The following CAPN5 variants were observed in gnomAD, a reference collection of about 807,000 sequenced individuals.
CAPN5 encodes calpain-5.
A neutral mutation model predicts 73.0 loss-of-function variants in CAPN5; 54 were observed. The ratio of observed to expected loss-of-function variants is 0.74; its 90% CI spans 0.59 to 0.93. CAPN5 has a LOEUF of 0.93. CAPN5 is among the 40% of genes least tolerant of loss of function. The probability of loss-of-function intolerance (pLI) is 0.00; values close to 1 mark genes in which losing one functional copy is unlikely to be tolerated. For synonymous variants in CAPN5, 335 were observed against 356.9 expected (o/e 0.94, Z 0.69); for missense variants, 785 against 882.9 (o/e 0.89, Z 1.41).
intron 2 of CAPN5, among the ~76,000 whole-genome samples, chr11:77,087,140 TG>T (rs1950096046): frequency 6.6e-6 from 1 of 152,162 alleles, no homozygotes; most frequent in Non-Finnish European, 1.5e-5. Flanking sequence ...CTGGGGTGGA[TG>T]GTCCACGGCA....
In CAPN5 at chr11:77,118,209, G is replaced by A. The variant is rs371777752; in HGVS notation, c.1024G>A (p.Val342Met). ...RYFTDIIKCR[V>M]INTSHLSIHK... ...CTTCACGGACATCATCAAGTGCCGCGTGATCAACACATCCCACCTGAGCAT... is the reference window on the plus strand; with the variant it reads ...CTTCACGGACATCATCAAGTGCCGCATGATCAACACATCCCACCTGAGCAT... Residue 342 changes from valine (V) to methionine (M), a missense_variant, in exon 8 of 13, where the codon GTG (valine) becomes ATG (methionine). Val to Met is a conservative substitution (Grantham distance 21). Transcript: ENST00000648180. 1.8e-5 allele frequency: 29 copies of A among 1,614,010 alleles called. No individual in the cohort carries two copies. Among genetic ancestry groups the A allele is most frequent in the Admixed American group, 6.7e-5 (4 of 59,998 alleles).
intron 1 of CAPN5, among the ~76,000 whole-genome samples, chr11:77,074,459 C>G (rs782080807): frequency 5.3e-5 from 8 of 152,180 alleles, no homozygotes; most frequent in Non-Finnish European, 1.2e-4. Context: ...TCCTTCTGGC[C>G]CTGCTCGGGC....
chr11:77,103,111 T>C (rs1555039224), intron 3 of CAPN5: 6 of 1,613,740 alleles, frequency 3.7e-6, no homozygotes, highest in Non-Finnish European at 5.1e-6. Context: ...ACGCCTGACC[T>C]CACCAACCTC....
intron 3 of CAPN5, among the ~76,000 whole-genome samples, chr11:77,094,584 C>A (rs571825862): frequency 3.3e-5 from 5 of 152,350 alleles, no homozygotes; most frequent in African/African-American, 9.6e-5. Flanking sequence ...GTCATTGCCC[C>A]TTGCTCATCC....
At chr11:77,073,715 C>T (rs149028714) in intron 1 of CAPN5, among the ~76,000 whole-genome samples, 1,839 of 152,304 alleles carry the variant, frequency 0.012, 17 homozygotes, top group Non-Finnish European at 0.015. Context: ...ACTCAGCAGC[C>T]TGGTGGAGAA....
intron 3 of CAPN5, 101 bp downstream of exon 3, chr11:77,093,914 T>G (rs1479020193): frequency 6.7e-7 from 1 of 1,492,494 alleles, no homozygotes; most frequent in Non-Finnish European, 9.0e-7. Context: ...AGATGAGACT[T>G]TCAAAAGCCT....
chr11:77,122,190 G>A (rs1425138257), intron 11 of CAPN5, 141 bp downstream of exon 11: 1 of 584,722 alleles, frequency 1.7e-6, no homozygotes, highest in African/African-American at 1.9e-5. Flanking sequence ...GATGCCTGAT[G>A]CTGGGCACAT....
intron 2 of CAPN5, among the ~76,000 whole-genome samples, chr11:77,093,148 C>T (rs549626981): frequency 1.6e-4 from 24 of 152,334 alleles, no homozygotes; most frequent in Admixed American, 4.6e-4. Context: ...TGAGATTATG[C>T]GAGGCAAGTG....
chr11:77,091,286 A>G (rs1950146396), intron 2 of CAPN5, among the ~76,000 whole-genome samples: 1 of 152,186 alleles, frequency 6.6e-6, no homozygotes, highest in Non-Finnish European at 1.5e-5. Context: ...AAAGTTGCAC[A>G]GCAGGGAGCA....
In CAPN5 at chr11:77,102,922, G is replaced by A. The variant is rs2233547; in HGVS notation, c.297+9109G>A. The A allele has an allele frequency of 4.9e-4, 794 of 1,612,874 alleles. 2 individuals are homozygous for A. In the African/African-American group the frequency reaches 9.2e-3, roughly 19 times the overall value. ...GGCCTGACCAGGCAGATGCGGCTACGCGTGGAGAGCCTGAAGCAGCGCGGG... is the reference window on the plus strand; with the variant it reads ...GGCCTGACCAGGCAGATGCGGCTACACGTGGAGAGCCTGAAGCAGCGCGGG... On this transcript the variant is annotated intron_variant, in intron 3 of 12. Coordinates refer to ENST00000648180, the MANE Select transcript of CAPN5 (RefSeq NM_004055.5).
intron 3 of CAPN5, among the ~76,000 whole-genome samples, chr11:77,112,366 G>A (rs1555040860): frequency 6.6e-6 from 1 of 152,112 alleles, no homozygotes; most frequent in Non-Finnish European, 1.5e-5. Context: ...AACAACAGCT[G>A]GAAGGAGGCC....
intron 3 of CAPN5, among the ~76,000 whole-genome samples, chr11:77,098,289 A>C (rs1591128762): frequency 2.6e-5 from 2 of 76,876 alleles, no homozygotes; most frequent in Admixed American, 1.2e-4. Context: ...TGACCCCCCC[A>C]CCTCCCTCCC....
intron 1 of CAPN5, among the ~76,000 whole-genome samples, chr11:77,078,624 G>C (rs1949997492): frequency 6.6e-6 from 1 of 152,086 alleles, no homozygotes; most frequent in Non-Finnish European, 1.5e-5. Flanking sequence ...TTTGATAGGG[G>C]ATTGGATTGA....
rs200227062 is a variant in CAPN5 at position 77,084,939 on chromosome 11, G to A, written c.53G>A (p.Arg18Gln). The stretch of plus-strand genomic sequence containing the variant: ...GACCAGAACTACTCAGCCCTGAGGC[G>A]GGACTGCCGGCGCAGGAAGGTGCTC... ...YEDQNYSALR[R>Q]DCRRRKVLFE... The change falls in exon 2 of 13, where the codon CGG (arginine) becomes CAG (glutamine). Residue 18 changes from arginine (R) to glutamine (Q), a missense_variant. Arg to Gln is a conservative substitution (Grantham distance 43, BLOSUM62 1). Coordinates refer to ENST00000648180, the MANE Select transcript of CAPN5 (RefSeq NM_004055.5). 8.1e-4 allele frequency: 1,301 copies of A among 1,613,954 alleles called. 14 individuals carry two copies. In the South Asian group the frequency reaches 0.011, roughly 14 times the overall value.
At chr11:77,091,736 G>A (rs1182525374) in intron 2 of CAPN5, among the ~76,000 whole-genome samples, 1 of 152,182 alleles carries the variant, frequency 6.6e-6, no homozygotes, top group African/African-American at 2.4e-5. Flanking sequence ...CTCAGGCCTT[G>A]GGGAGGGATG....
intron 3 of CAPN5, among the ~76,000 whole-genome samples, chr11:77,107,805 G>A (rs1950367296): frequency 6.6e-6 from 1 of 152,216 alleles, no homozygotes; most frequent in Non-Finnish European, 1.5e-5. Context: ...AGTAGGTGAT[G>A]GGGAGCTTCT....
chr11:77,118,678 G>T (rs1157417528), intron 8 of CAPN5, among the ~76,000 whole-genome samples: 1 of 152,226 alleles, frequency 6.6e-6, no homozygotes, highest in African/African-American at 2.4e-5. Flanking sequence ...GCACAATTCT[G>T]TCCCTTCTGG....
At chr11:77,122,811 C>A (rs1331707144) in intron 12 of CAPN5, 99 bp downstream of exon 12, 4 of 1,488,148 alleles carry the variant, frequency 2.7e-6, no homozygotes, top group African/African-American at 1.4e-5. Flanking sequence ...GACGAGGACC[C>A]AGGCATGCTG....
At chr11:77,077,645 T>C (rs976743851) in intron 1 of CAPN5, among the ~76,000 whole-genome samples, 3 of 151,988 alleles carry the variant, frequency 2.0e-5, no homozygotes, top group African/African-American at 7.2e-5. Flanking sequence ...TTCTTCTGCC[T>C]CAGCCTCCTG....
Sources: gnomAD v4.1 joint callset for allele counts (sites outside exome capture counted in the v4.1 genomes callset) on GRCh38, gnomAD v4.1.1 for gene constraint, MANE v1.5 for transcripts, NCBI Gene and HGNC (gene_info 2026-07-23, HGNC 2026-07-21) for gene names.